Variants in IGFL2 observed in about 807,000 individuals in gnomAD.
IGFL2 encodes the protein insulin growth factor-like family member 2.
A neutral mutation model predicts 13.9 loss-of-function variants in IGFL2; 7 were observed. That is an observed-to-expected ratio of 0.51 (90% CI 0.29 to 0.95). The LOEUF is 0.95. Ranked by LOEUF, IGFL2 falls within the 40% of genes least tolerant of loss-of-function variation. IGFL2 has a pLI of 0.08. For missense variants in IGFL2, 138 were observed against 147.8 expected, an observed-to-expected ratio of 0.93 and a Z score of 0.34; for synonymous variants, 55 against 55.8, an observed-to-expected ratio of 0.99 and a Z score of 0.07.
At chr19:46,197,215 T>C in the IGFL2 span, 1 of 208,676 alleles carries the variant, frequency 4.8e-6, no homozygotes, top group South Asian at 8.0e-5. Context: ...TCCCCCAGCG[T>C]CCCTCATGGT....
At chr19:46,097,924 T>C in the IGFL2 span, among the ~76,000 whole-genome samples, 1 of 152,214 alleles carries the variant, frequency 6.6e-6, no homozygotes, top group East Asian at 1.9e-4. Flanking sequence ...TACTTCCAAT[T>C]ATGAGATCAG....
the IGFL2 span, among the ~76,000 whole-genome samples, chr19:46,121,503 C>G: frequency 6.7e-6 from 1 of 150,044 alleles, no homozygotes; most frequent in African/African-American, 2.5e-5. Flanking sequence ...TCTCAACAGC[C>G]CACTGAGAGG....
At chr19:46,123,973 C>T in the IGFL2 span, 1 of 1,611,438 alleles carries the variant, frequency 6.2e-7, no homozygotes, top group Non-Finnish European at 8.5e-7. Context: ...CTGCTGGGGG[C>T]CAAAAGACTC....
chr19:46,082,976 A>T, the IGFL2 span, among the ~76,000 whole-genome samples: 1 of 152,002 alleles, frequency 6.6e-6, no homozygotes, highest in South Asian at 2.1e-4. Context: ...TAAACATGAC[A>T]TTTTCTCTTT....
chr19:46,174,852 A>G, the IGFL2 span, among the ~76,000 whole-genome samples: 1 of 152,324 alleles, frequency 6.6e-6, no homozygotes, highest in East Asian at 1.9e-4. Context: ...TAGGTCATTG[A>G]TGCTTTTAAG....
Position 46,160,693 on chromosome 19 carries a change from C to A in IGFL2, c.153C>A (p.Cys51Ter), listed in dbSNP as rs1974115409. The change falls in exon 3 of 4, where the codon TGC becomes TGA. Residue 51 changes from cysteine to a stop codon, truncating the protein, a stop_gained. Coordinates refer to ENST00000377693, the MANE Select transcript of IGFL2 (RefSeq NM_001135113.2). LOFTEE classifies it high-confidence loss of function. ...AGATCTACAACCCCTTGGAGCAGTG[C>A]TGTTACAATGACGCCATCGTGTCCC... ...GDKIYNPLEQ[C>*]CYNDAIVSLS... 1 of 1,614,076 alleles carries A rather than the reference C, an allele frequency of 6.2e-7. No individual in the cohort carries two copies. The highest frequency in any genetic ancestry group is 1.7e-5 in the Admixed American group (1 of 60,010).
the IGFL2 span, among the ~76,000 whole-genome samples, chr19:46,210,453 C>T: frequency 6.6e-6 from 1 of 151,946 alleles, no homozygotes; most frequent in South Asian, 2.1e-4. Flanking sequence ...TAGAGGGACA[C>T]AATTTATATA....
the IGFL2 span, among the ~76,000 whole-genome samples, chr19:46,118,337 G>A: frequency 1.8e-3 from 269 of 152,302 alleles, no homozygotes; most frequent in African/African-American, 6.4e-3. Flanking sequence ...AGAATGCTGA[G>A]GTTCACCAGA....
chr19:46,111,740 A>C, the IGFL2 span: 1 of 152,216 alleles, frequency 6.6e-6, no homozygotes, highest in African/African-American at 2.4e-5. Context: ...GATACCAATC[A>C]GGTTTACTAC....
chr19:46,091,383 C>T, the IGFL2 span, among the ~76,000 whole-genome samples: 6 of 152,264 alleles, frequency 3.9e-5, no homozygotes, highest in East Asian at 1.2e-3. Flanking sequence ...AGAATGTCTT[C>T]AGTTCTGTAA....
At chr19:46,078,677 T>A in the IGFL2 span, among the ~76,000 whole-genome samples, 13 of 152,362 alleles carry the variant, frequency 8.5e-5, no homozygotes, top group Admixed American at 6.5e-5. Flanking sequence ...ATGTATCAAT[T>A]CACCACAGTC....
chr19:46,109,839 T>C, the IGFL2 span, among the ~76,000 whole-genome samples: 1 of 152,098 alleles, frequency 6.6e-6, no homozygotes, highest in African/African-American at 2.4e-5. Flanking sequence ...ATCACAATGG[T>C]GGAATGTCAT....
chr19:46,176,195 AAAG>A, the IGFL2 span, among the ~76,000 whole-genome samples: 2 of 150,600 alleles, frequency 1.3e-5, no homozygotes. Context: ...AAAAAAAAAA[AAAG>A]AAAAGAAAAC....
At chr19:46,183,436 TTC>T in the IGFL2 span, among the ~76,000 whole-genome samples, 1 of 152,012 alleles carries the variant, frequency 6.6e-6, no homozygotes, top group African/African-American at 2.4e-5. Flanking sequence ...CCACTCTTTC[TTC>T]TCTCTCCCAG....
At chr19:46,214,009 C>A in the IGFL2 span, 2 of 152,524 alleles carry the variant, frequency 1.3e-5, no homozygotes, top group African/African-American at 4.8e-5. Flanking sequence ...AGGCACCGCG[C>A]GTGCGCCGAG....
the IGFL2 span, among the ~76,000 whole-genome samples, chr19:46,126,013 A>G: frequency 6.6e-6 from 1 of 152,136 alleles, no homozygotes; most frequent in Non-Finnish European, 1.5e-5. Context: ...TTTTTAATGC[A>G]TTTTATAATG....
downstream of IGFL2, among the ~76,000 whole-genome samples, chr19:46,163,630 G>A (rs1306710583): frequency 6.6e-6 from 1 of 152,218 alleles, no homozygotes; most frequent in East Asian, 1.9e-4. Flanking sequence ...CAGAGGCAGT[G>A]GCAGAGGGGC....
chr19:46,149,132 G>T, intron 1 of IGFL2: 1 of 878,662 alleles, frequency 1.1e-6, no homozygotes, highest in Admixed American at 2.1e-5. Flanking sequence ...TTCTTTTTGG[G>T]CAACCATCTC....
At chr19:46,181,110 A>G in the IGFL2 span, 1 of 152,238 alleles carries the variant, frequency 6.6e-6, no homozygotes, top group African/African-American at 2.4e-5. Context: ...TTGCAGAATT[A>G]TAAGTAAGGA....
Sources: gnomAD v4.1 joint callset for allele counts (sites outside exome capture counted in the v4.1 genomes callset) on GRCh38, gnomAD v4.1.1 for gene constraint, MANE v1.5 for transcripts, NCBI Gene and HGNC (gene_info 2026-07-23, HGNC 2026-07-21) for gene names.